Variants in FADS6 observed in about 807,000 individuals in gnomAD.
FADS6 encodes fatty acid desaturase domain family, member 6.
A neutral mutation model predicts 31.7 loss-of-function variants in FADS6; 28 were observed. That is an observed-to-expected ratio of 0.88 (90% confidence interval 0.66 to 1.21). The LOEUF (loss-of-function observed/expected upper bound fraction) is 1.21. Among genes scored for constraint, FADS6 ranks in the 50% most tolerant of loss-of-function variants. FADS6 has a pLI of 0.00. For missense variants in FADS6, 494 were observed against 504.2 expected, an observed-to-expected ratio of 0.98 and a Z score of 0.19; for synonymous variants, 191 against 213.1, an observed-to-expected ratio of 0.90 and a Z score of 0.90.
At chr17:74,882,897 C>G in intron 2 of FADS6, 187 bp from the exon 3 acceptor site, 1 of 1,445,318 alleles carries the variant, frequency 6.9e-7, no homozygotes, top group Non-Finnish European at 9.2e-7. Flanking sequence ...CACGGAGTGG[C>G]AGCCAGTCAA....
rs1567930984 is a variant in FADS6 at position 74,893,455 on chromosome 17, CT to C, written c.140del (p.Glu47GlyfsTer10). On this transcript the variant is annotated frameshift_variant, in exon 1 of 6. Transcript: ENST00000612771. LOFTEE classifies it high-confidence loss of function. ...AHRGGEALLRELEVLVQDVVR... is the reference protein window; with the variant it reads ...AHRGGEALLRXLEVLVQDVVR... ...CCACGTCCTGCACCAGCACCTCCAG[CT>C]CCCGCAGCAGCGCCTCGCCCCCACG... The C allele has an allele frequency of 6.3e-7, 1 of 1,592,364 alleles. No individual in the cohort carries two copies. Among genetic ancestry groups the C allele is most frequent in the South Asian group, 1.1e-5 (1 of 87,702 alleles).
chr17:74,891,112 ATTT>A (rs72258963), intron 2 of FADS6, among the ~76,000 whole-genome samples: 11 of 123,134 alleles, frequency 8.9e-5, no homozygotes, highest in Admixed American at 1.7e-4. Flanking sequence ...TTTCTTTTTG[ATTT>A]TTTTTTTTTT....
chr17:74,876,752 A>G (rs1314449085), downstream of FADS6, among the ~76,000 whole-genome samples: 1 of 152,102 alleles, frequency 6.6e-6, no homozygotes, highest in Admixed American at 6.5e-5. Context: ...AGCTGAGATC[A>G]TGCCACTGCA....
Position 74,879,462 on chromosome 17 carries a change from AT to A in FADS6, c.901del (p.Ile301SerfsTer19). 1 of 1,613,926 alleles carries A rather than the reference AT, an allele frequency of 6.2e-7. No homozygotes were observed. Among genetic ancestry groups the A allele is most frequent in the South Asian group, 1.1e-5 (1 of 91,072 alleles). Reference sequence around the variant, plus strand: ...TAGATGGTGTTCCACATGGCAGCTGATGATCGAGTGGCCGAACGCCCAGTCC... The same window carrying A: ...TAGATGGTGTTCCACATGGCAGCTGAGATCGAGTGGCCGAACGCCCAGTCC... ...VLDWAFGHSI[I>X]SCHVEHHLFP... On this transcript the variant is annotated frameshift_variant, in exon 5 of 6. Coordinates refer to ENST00000612771, the MANE Select transcript of FADS6 (RefSeq NM_178128.6). LOFTEE classifies it high-confidence loss of function.
chr17:74,878,035 A>G lies in FADS6; in HGVS notation c.*296T>C, dbSNP rs531894594. The G allele has an allele frequency of 1.7e-6, 2 of 1,172,574 alleles. No individual in the cohort carries two copies. The highest frequency in any genetic ancestry group is 5.2e-5 in the South Asian group (2 of 38,666). 72.6% of individuals were successfully genotyped at this position (1,172,574 alleles called of 1,614,324 possible). On this transcript the variant is annotated 3_prime_UTR_variant, in exon 6 of 6. Coordinates refer to ENST00000612771, the MANE Select transcript of FADS6 (RefSeq NM_178128.6). ...TTTAACCCTACCAAGGCTCAGATGG[A>G]GCAGGGGGAAGGACCCAGCTCTTTA...
At position 74,878,156 on chromosome 17, in the gene FADS6, C is replaced by T; in HGVS notation, c.*175G>A. ...ACCCCTCAAAACCCAGAAAAGCACG[C>T]AAGGCAGGTGGCCCCCAGACCCCAG... On this transcript the variant is annotated 3_prime_UTR_variant, in exon 6 of 6. Coordinates refer to ENST00000612771, the MANE Select transcript of FADS6 (RefSeq NM_178128.6). 1 of 1,423,416 alleles carries T rather than the reference C, an allele frequency of 7.0e-7. No individual in the cohort carries two copies. Among genetic ancestry groups the T allele is most frequent in the Non-Finnish European group, 9.1e-7 (1 of 1,093,924 alleles). 88.2% of individuals were successfully genotyped at this position (1,423,416 alleles called of 1,614,324 possible).
chr17:74,893,130 G>C (rs1048788020), intron 1 of FADS6, among the ~76,000 whole-genome samples: 2 of 127,122 alleles, frequency 1.6e-5, no homozygotes, highest in Admixed American at 7.4e-5. Flanking sequence ...CCCCCTCCTA[G>C]GGTACACAGG....
chr17:74,882,652 G>T lies in FADS6; in HGVS notation c.470C>A (p.Ala157Asp). 1 of 1,611,522 alleles carries T rather than the reference G, an allele frequency of 6.2e-7. No homozygotes were observed. The highest frequency in any genetic ancestry group is 8.5e-7 in the Non-Finnish European group (1 of 1,179,060). ...ATHGHVKMHH[A>D]YTNVVGLGDS... ...CCCCAGGCCCACCACGTTGGTGTAG[G>T]CATGGTGCATCTTGACGTGCCCATG... The change falls in exon 3 of 6, where the codon GCC becomes GAC. Residue 157 changes from alanine (A) to aspartate (D), a missense_variant. Coordinates refer to ENST00000612771, the MANE Select transcript of FADS6 (RefSeq NM_178128.6).
chr17:74,877,873 G>GC lies in FADS6; in HGVS notation c.*457dup. On this transcript the variant is annotated 3_prime_UTR_variant, in exon 6 of 6. Transcript: ENST00000612771. The stretch of plus-strand genomic sequence containing the variant: ...CCTTGGTGGGCAGAGCCTGAAGGAA[G>GC]CAATAGCCAAGGCCGTGTGGGGCTC... The GC allele has an allele frequency of 1.0e-6, 1 of 987,872 alleles. No homozygotes were observed. The highest frequency in any genetic ancestry group is 1.2e-6 in the Non-Finnish European group (1 of 831,676). The allele number at this position is 987,872 out of a possible 1,614,324, so 61.2% of individuals were successfully genotyped here. A position where few individuals can be genotyped will look rare whatever the true frequency, so the allele number is the denominator to read the frequency against.
At position 74,893,572 on chromosome 17, in the gene FADS6, T is replaced by TTCCATGGGCTCCGTAGGC. The variant is rs2038719671; in HGVS notation, c.23_24insGCCTACGGAGCCCATGGA (p.Thr28_Pro33dup). The TTCCATGGGCTCCGTAGGC allele has an allele frequency of 1.3e-5, 18 of 1,357,176 alleles. No homozygotes were observed. In the Admixed American group the frequency reaches 4.3e-4, roughly 32 times the overall value. The allele number at this position is 1,357,176 out of a possible 1,614,324, so 84.1% of individuals were successfully genotyped here. Reference sequence around the variant, plus strand: ...CCGTAGGTTCCATGGGCTCCGTAGGTTCCATCGGCTCCGTGGGTTCCATGG... The same window carrying TTCCATGGGCTCCGTAGGC: ...CCGTAGGTTCCATGGGCTCCGTAGGTTCCATGGGCTCCGTAGGCTCCATCGGCTCCGTGGGTTCCATGG... On this transcript the variant is annotated inframe_insertion, in exon 1 of 6. Transcript: ENST00000612771.
At chr17:74,882,958 G>T in intron 2 of FADS6, 4 of 1,025,254 alleles carry the variant, frequency 3.9e-6, no homozygotes, top group Non-Finnish European at 5.5e-6. Context: ...GGGGTGGGAG[G>T]CTGGACCCCT....
At chr17:74,891,026 C>T (rs1329836243) in intron 2 of FADS6, among the ~76,000 whole-genome samples, 1 of 152,120 alleles carries the variant, frequency 6.6e-6, no homozygotes, top group Non-Finnish European at 1.5e-5. Context: ...TGCCTTGCAG[C>T]CAAGCAGTCC....
chr17:74,886,268 C>T (rs2038621647), intron 2 of FADS6, among the ~76,000 whole-genome samples: 1 of 143,788 alleles, frequency 7.0e-6, no homozygotes, highest in Non-Finnish European at 1.5e-5. Flanking sequence ...AGTTCAAGAC[C>T]AGCCTGGCCA....
downstream of FADS6, among the ~76,000 whole-genome samples, chr17:74,876,035 G>A (rs2038505675): frequency 6.6e-6 from 1 of 152,228 alleles, no homozygotes; most frequent in Non-Finnish European, 1.5e-5. Context: ...ACTAGTGAGA[G>A]TCTGTAGCTA....
chr17:74,881,021 G>C, intron 4 of FADS6, 47 bp downstream of exon 4: 1 of 1,558,214 alleles, frequency 6.4e-7, no homozygotes, highest in Non-Finnish European at 8.7e-7. Context: ...GGCCCCTGGA[G>C]AATGCTCCCC....
In FADS6 at chr17:74,888,126, CCACACACACACA is replaced by C. The variant is rs1165268903; in HGVS notation, c.411+4385_411+4396del. 5.0e-3 allele frequency among the ~76,000 whole-genome samples: 634 copies of C among 127,824 alleles called. 7 individuals are homozygous for C. Among genetic ancestry groups the C allele is most frequent in the East Asian group, 0.014 (63 of 4,520 alleles). 83.9% of individuals were successfully genotyped at this position (127,824 alleles called of 152,430 possible). A position where few individuals can be genotyped will look rare whatever the true frequency, so the allele number is the denominator to read the frequency against. On this transcript the variant is annotated intron_variant, in intron 2 of 5. Transcript: ENST00000612771. Reference sequence around the variant, plus strand: ...GCATGGTGTAGGTGGAGCTGAGACACCACACACACACACACACACACACACACACGCGCGCGC... The same window carrying C: ...GCATGGTGTAGGTGGAGCTGAGACACCACACACACACACACACGCGCGCGC...
rs2038720525 is a variant in FADS6, at chr17:74,893,599, C to T, written c.-4G>A. 1.5e-6 allele frequency: 2 copies of T among 1,365,872 alleles called. No individual in the cohort carries two copies. The highest frequency in any genetic ancestry group is 3.0e-5 in the East Asian group (1 of 33,666). 84.6% of individuals were successfully genotyped at this position (1,365,872 alleles called of 1,614,324 possible). ...CCATCGGCTCCGTGGGTTCCATGGA[C>T]TCTGTGGGCTCGGGCCCGACGCGCA... On this transcript the variant is annotated 5_prime_UTR_variant, in exon 1 of 6. Transcript: ENST00000612771.
chr17:74,880,040 G>C (rs1443726263), intron 4 of FADS6, among the ~76,000 whole-genome samples: 1 of 152,282 alleles, frequency 6.6e-6, no homozygotes, highest in Middle Eastern at 3.4e-3. Context: ...CAGGAGCTTC[G>C]GTGGTTTCAG....
At chr17:74,888,022 C>G (rs2038642143) in intron 2 of FADS6, among the ~76,000 whole-genome samples, 1 of 151,960 alleles carries the variant, frequency 6.6e-6, no homozygotes, top group Admixed American at 6.6e-5. Flanking sequence ...TTGTATGTGT[C>G]TTTTTTGCAC....
Sources: gnomAD v4.1 joint callset for allele counts (sites outside exome capture counted in the v4.1 genomes callset) on GRCh38, gnomAD v4.1.1 for gene constraint, MANE v1.5 for transcripts, NCBI Gene and HGNC (gene_info 2026-07-23, HGNC 2026-07-21) for gene names.